ABHD12B: variants seen among roughly 807,000 people sequenced by gnomAD.
ABHD12B encodes protein ABHD12B.
In ABHD12B, 42 loss-of-function variants were observed where a neutral mutation model predicts 50.4. The ratio of observed to expected loss-of-function variants is 0.83; its 90% CI spans 0.65 to 1.08. ABHD12B has a LOEUF of 1.08. Ranked by LOEUF, ABHD12B falls within the 50% of genes least tolerant of loss-of-function variation. The pLI, the probability that ABHD12B is intolerant of heterozygous loss-of-function variation, is 0.00. For synonymous variants in ABHD12B, 167 were observed against 160.3 expected (o/e 1.04, Z -0.32); for missense variants, 479 against 447.7 (o/e 1.07, Z -0.63).
chr14:50,896,148 C>A (rs538596157), intron 9 of ABHD12B, among the ~76,000 whole-genome samples: 1 of 152,186 alleles, frequency 6.6e-6, no homozygotes, highest in South Asian at 2.1e-4. Context: ...TCACCCTTAC[C>A]CCACTCAACG....
chr14:50,872,080 G>GGC lies in ABHD12B; in HGVS notation c.-93_-92dup, dbSNP rs1378970529. On this transcript the variant is annotated 5_prime_UTR_variant, in exon 1 of 13. Coordinates refer to ENST00000337334, the MANE Select transcript of ABHD12B (RefSeq NM_001206673.2). ...CCTGCCTGACCGCGCGGAGGAGGAGGGCGGGCGCGGTGCCGCCGGGGCGGG... is the reference window on the plus strand; with the variant it reads ...CCTGCCTGACCGCGCGGAGGAGGAGGGCGCGGGCGCGGTGCCGCCGGGGCGGG... 4 of 941,946 alleles carry GGC rather than the reference G, an allele frequency of 4.2e-6. No homozygotes were observed. 58.3% of individuals were successfully genotyped at this position (941,946 alleles called of 1,614,324 possible). A position where few individuals can be genotyped will look rare whatever the true frequency, so the allele number is the denominator to read the frequency against.
chr14:50,888,736 T>C (rs572739599), intron 8 of ABHD12B, 88 bp from the exon 9 acceptor site: 2 of 1,145,860 alleles, frequency 1.7e-6, no homozygotes, highest in African/African-American at 3.1e-5. Context: ...GTAGCTCATG[T>C]ACAAGATCTT....
intron 5 of ABHD12B, among the ~76,000 whole-genome samples, chr14:50,882,825 G>C (rs1334723082): frequency 6.6e-6 from 1 of 152,026 alleles, no homozygotes; most frequent in African/African-American, 2.4e-5. Flanking sequence ...TTTAAAATTA[G>C]CTGGATGTGG....
chr14:50,885,273 A>G (rs1452583814), intron 5 of ABHD12B, among the ~76,000 whole-genome samples: 4 of 152,226 alleles, frequency 2.6e-5, no homozygotes, highest in African/African-American at 9.6e-5. Context: ...TGCTTTGAAC[A>G]TACAGATACC....
chr14:50,884,364 C>G (rs1210185776), intron 5 of ABHD12B, among the ~76,000 whole-genome samples: 1 of 152,142 alleles, frequency 6.6e-6, no homozygotes, highest in African/African-American at 2.4e-5. Context: ...GGGAATGTAA[C>G]AGATATGTAA....
chr14:50,878,011 T>G lies in ABHD12B; in HGVS notation c.164T>G (p.Phe55Cys). The G allele has an allele frequency of 6.5e-7, 1 of 1,535,024 alleles. No individual in the cohort carries two copies. Among genetic ancestry groups the G allele is most frequent in the Non-Finnish European group, 8.7e-7 (1 of 1,146,296 alleles). The change falls in exon 2 of 13, where the codon TTT becomes TGT. Residue 55 changes from phenylalanine (F) to cysteine (C), a missense_variant. Coordinates refer to ENST00000337334, the MANE Select transcript of ABHD12B (RefSeq NM_001206673.2). The part of the protein sequence containing the change: ...GRKIAALYDS[F>C]TSKSLKEHVF... ...AAAATTGCTGCTCTGTATGACAGCT[T>G]TACTAGTAAATCCTTAAAAGAACAC...
chr14:50,898,571 C>G (rs527250532), intron 9 of ABHD12B, among the ~76,000 whole-genome samples: 1 of 152,230 alleles, frequency 6.6e-6, no homozygotes, highest in East Asian at 1.9e-4. Context: ...ACCTGTGAGT[C>G]TCAAAGGGCA....
chr14:50,893,660 C>A (rs1294569325), intron 9 of ABHD12B: 4 of 168,016 alleles, frequency 2.4e-5, no homozygotes, highest in South Asian at 3.3e-4. Context: ...GAGATCAATC[C>A]CCCATCCTCC....
At chr14:50,903,694 G>A (rs1219673813) in intron 11 of ABHD12B, among the ~76,000 whole-genome samples, 1 of 152,170 alleles carries the variant, frequency 6.6e-6, no homozygotes, top group South Asian at 2.1e-4. Flanking sequence ...TGGATTGTGT[G>A]GAGCTGCAAG....
In ABHD12B at chr14:50,875,496, C is replaced by G. The variant is rs545807146; in HGVS notation, c.105-2456C>G. Among the ~76,000 whole-genome samples the G allele has an allele frequency of 2.0e-5, 3 of 152,346 alleles. No individual in the cohort carries two copies. In the South Asian group the frequency reaches 6.2e-4, roughly 32 times the overall value. On this transcript the variant is annotated intron_variant, in intron 1 of 12. Coordinates refer to ENST00000337334, the MANE Select transcript of ABHD12B (RefSeq NM_001206673.2). ...CCAGTAAGAATCATCCAGTTAGGTT[C>G]TGAGTCCCCTGTGGGACGCTGTGTG...
At chr14:50,893,772 T>G (rs2050153075) in intron 9 of ABHD12B, 1 of 181,474 alleles carries the variant, frequency 5.5e-6, no homozygotes, top group African/African-American at 2.4e-5. Context: ...AGCGGCCTCT[T>G]TTTACTCTCT....
chr14:50,891,576 A>G (rs1464555901), intron 9 of ABHD12B: 1 of 152,194 alleles, frequency 6.6e-6, no homozygotes, highest in Non-Finnish European at 1.5e-5. Context: ...AATGTGGACC[A>G]ATTTACCAAT....
intron 7 of ABHD12B, 104 bp downstream of exon 7, chr14:50,885,999 G>A (rs1012653829): frequency 6.6e-7 from 1 of 1,509,444 alleles, no homozygotes; most frequent in Non-Finnish European, 9.0e-7. Context: ...CAGAAGACAG[G>A]GACTCTTTGC....
At chr14:50,875,580 G>C (rs927070480) in intron 1 of ABHD12B, among the ~76,000 whole-genome samples, 1 of 152,184 alleles carries the variant, frequency 6.6e-6, no homozygotes, top group East Asian at 1.9e-4. Context: ...CAAGGTGGCC[G>C]TTTGATGTGG....
intron 9 of ABHD12B, 29 bp downstream of exon 9, chr14:50,888,932 A>G (rs1455030326): frequency 6.3e-7 from 1 of 1,588,480 alleles, no homozygotes; most frequent in South Asian, 1.1e-5. Flanking sequence ...TTTACAAGGG[A>G]TCAAAGTAGG....
At chr14:50,872,944 A>G (rs2142710417) in intron 1 of ABHD12B, among the ~76,000 whole-genome samples, 1 of 152,296 alleles carries the variant, frequency 6.6e-6, no homozygotes, top group South Asian at 2.1e-4. Context: ...TTAAACAGTA[A>G]TCTTAAATTA....
At chr14:50,885,489 T>C in intron 5 of ABHD12B, 125 bp from the exon 6 acceptor site, 3 of 1,051,754 alleles carry the variant, frequency 2.9e-6, no homozygotes, top group South Asian at 1.4e-5. Flanking sequence ...AAAATACTAA[T>C]GAACAAGTTA....
intron 5 of ABHD12B, among the ~76,000 whole-genome samples, chr14:50,884,740 A>G (rs7144337): frequency 0.98 from 134,517 of 137,748 alleles, 65,769 homozygotes; most frequent in East Asian, 1. Context: ...TTTTTGAGAC[A>G]GAGTCTCTGT....
chr14:50,904,518 A>C lies in ABHD12B; in HGVS notation c.*152A>C. On this transcript the variant is annotated 3_prime_UTR_variant, in exon 13 of 13. Coordinates refer to ENST00000337334, the MANE Select transcript of ABHD12B (RefSeq NM_001206673.2). The stretch of plus-strand genomic sequence containing the variant: ...ACTTGCCATTTTAACAACAGAAAGT[A>C]CGAATGTTAGGCAGTATGGAATGTT... 1.1e-6 allele frequency: 1 copy of C among 942,802 alleles called. No homozygotes were observed. Among genetic ancestry groups the C allele is most frequent in the Non-Finnish European group, 1.7e-6 (1 of 599,652 alleles). The allele number at this position is 942,802 out of a possible 1,614,324, so 58.4% of individuals were successfully genotyped here. A position where few individuals can be genotyped will look rare whatever the true frequency, so the allele number is the denominator to read the frequency against.
Sources: allele counts gnomAD v4.1 joint callset (sites outside exome capture counted in the v4.1 genomes callset), GRCh38; gene constraint gnomAD v4.1.1; transcripts MANE v1.5; gene names NCBI Gene and HGNC (gene_info 2026-07-23, HGNC 2026-07-21).